Variants in CPLX2 observed in about 807,000 individuals in gnomAD.
CPLX2 encodes the protein complexin-2.
CPLX2 carries 5 observed loss-of-function variants against 16.3 expected under a neutral mutation model. The observed-to-expected ratio is 0.31, with a 90% CI of 0.16 to 0.64. The LOEUF (loss-of-function observed/expected upper bound fraction) is 0.64. CPLX2 is among the 30% of genes least tolerant of loss of function. The pLI is 0.79. For missense variants in CPLX2, 144 were observed against 181.4 expected, an observed-to-expected ratio of 0.79 and a Z score of 1.18; for synonymous variants, 89 against 73.2, an observed-to-expected ratio of 1.22 and a Z score of -1.10.
intron 2 of CPLX2, among the ~76,000 whole-genome samples, chr5:175,825,404 G>T: frequency 7.8e-6 from 1 of 128,894 alleles, no homozygotes; most frequent in East Asian, 2.3e-4. Context: ...CAAACAAAAA[G>T]AAAAAAAAAA....
intron 2 of CPLX2, among the ~76,000 whole-genome samples, chr5:175,856,086 T>C (rs1025574981): frequency 6.6e-6 from 1 of 152,110 alleles, no homozygotes; most frequent in Non-Finnish European, 1.5e-5. Context: ...GAGAGCAAAT[T>C]CTTGGACTAA....
At chr5:175,843,371 C>T (rs777233630) in intron 2 of CPLX2, among the ~76,000 whole-genome samples, 22 of 152,254 alleles carry the variant, frequency 1.4e-4, no homozygotes, top group Non-Finnish European at 3.1e-4. Context: ...CATGTGCTTA[C>T]TGTGTGAATG....
In CPLX2 at chr5:175,858,610, C is replaced by A. The variant is rs72823145; in HGVS notation, c.-88-20042C>A. 3.4e-3 allele frequency among the ~76,000 whole-genome samples: 514 copies of A among 152,316 alleles called. 4 individuals are homozygous for A. Among genetic ancestry groups the A allele is most frequent in the Non-Finnish European group, 5.6e-3 (378 of 68,026 alleles). Reference sequence around the variant, plus strand: ...GCAGCTGCCAAGCCTAGAGAGGGTACAAGCAGGAAATGTACACAATATATT... The same window carrying A: ...GCAGCTGCCAAGCCTAGAGAGGGTAAAAGCAGGAAATGTACACAATATATT... On this transcript the variant is annotated intron_variant, in intron 2 of 4. Transcript: ENST00000359546.
At chr5:175,877,746 C>G (rs1329255852) in intron 1 of CPLX2, among the ~76,000 whole-genome samples, 2 of 152,184 alleles carry the variant, frequency 1.3e-5, no homozygotes, top group African/African-American at 2.4e-5. Flanking sequence ...CCTCCCCCAC[C>G]ACCTCCACTG....
intron 2 of CPLX2, among the ~76,000 whole-genome samples, chr5:175,828,560 A>G (rs1758667206): frequency 6.6e-6 from 1 of 152,172 alleles, no homozygotes; most frequent in Non-Finnish European, 1.5e-5. Flanking sequence ...TTAGGTGGAA[A>G]GTTAGACCAA....
intron 2 of CPLX2, among the ~76,000 whole-genome samples, chr5:175,812,928 G>T (rs1054751645): frequency 5.9e-5 from 9 of 152,218 alleles, no homozygotes; most frequent in Non-Finnish European, 8.8e-5. Flanking sequence ...TACTGGCATT[G>T]AAAGAGCCTA....
upstream of CPLX2, among the ~76,000 whole-genome samples, chr5:175,871,205 T>A (rs1353539088): frequency 6.6e-6 from 1 of 150,850 alleles, no homozygotes; most frequent in African/African-American, 2.4e-5. Flanking sequence ...AGCAAGCTTG[T>A]GGGCCTGGAG....
At chr5:175,797,790 C>A (rs1758020530) in intron 1 of CPLX2, among the ~76,000 whole-genome samples, 1 of 152,170 alleles carries the variant, frequency 6.6e-6, no homozygotes, top group African/African-American at 2.4e-5. Context: ...CAGCAGGTTG[C>A]GAACTCGGCT....
At chr5:175,844,994 G>A (rs1161531866) in intron 2 of CPLX2, among the ~76,000 whole-genome samples, 1 of 152,156 alleles carries the variant, frequency 6.6e-6, no homozygotes, top group Non-Finnish European at 1.5e-5. Context: ...GCTTTTGGCT[G>A]CCCCTCTGCC....
intron 2 of CPLX2, among the ~76,000 whole-genome samples, chr5:175,856,141 C>T (rs1018201225): frequency 6.6e-6 from 1 of 152,298 alleles, no homozygotes; most frequent in Non-Finnish European, 1.5e-5. Context: ...AGTTGTGCGA[C>T]CTTGGCAAGT....
chr5:175,851,980 C>A (rs1376015131), intron 2 of CPLX2, among the ~76,000 whole-genome samples: 1 of 152,222 alleles, frequency 6.6e-6, no homozygotes, highest in Admixed American at 6.5e-5. Context: ...CACCGTGTTT[C>A]TTTTTTCTAC....
intron 2 of CPLX2, among the ~76,000 whole-genome samples, chr5:175,814,844 A>G (rs952888018): frequency 2.0e-5 from 3 of 152,112 alleles, no homozygotes; most frequent in Admixed American, 6.5e-5. Context: ...TCCTCCTTGC[A>G]TCACTCGGCT....
At chr5:175,817,568 C>A (rs1443678539) in intron 2 of CPLX2, among the ~76,000 whole-genome samples, 3 of 152,190 alleles carry the variant, frequency 2.0e-5, no homozygotes, top group Non-Finnish European at 4.4e-5. Flanking sequence ...TACTGCCCCC[C>A]TCGCCCTACA....
rs1755611542 is a variant in CPLX2, at chr5:175,881,708, A to G, written c.*1663A>G. The G allele has an allele frequency of 6.5e-6, 1 of 152,686 alleles. No homozygotes were observed. Among genetic ancestry groups the G allele is most frequent in the Non-Finnish European group, 1.5e-5 (1 of 68,052 alleles). The allele number at this position is 152,686 out of a possible 1,614,324, so 9.5% of individuals were successfully genotyped here. On this transcript the variant is annotated 3_prime_UTR_variant, in exon 4 of 4. Transcript: ENST00000393745. Reference sequence around the variant, plus strand: ...CAACGGGAGACCTTGTCCTTGGCCTAGAGTCCTCCCACCCTTGGGGGGCTC... The same window carrying G: ...CAACGGGAGACCTTGTCCTTGGCCTGGAGTCCTCCCACCCTTGGGGGGCTC...
chr5:175,831,700 C>A (rs1236677803), intron 2 of CPLX2, among the ~76,000 whole-genome samples: 2 of 152,148 alleles, frequency 1.3e-5, no homozygotes, highest in African/African-American at 4.8e-5. Flanking sequence ...CCTCAAGATA[C>A]CCACAGCTCA....
intron 2 of CPLX2, among the ~76,000 whole-genome samples, chr5:175,839,261 A>ATTTTT (rs572745421): frequency 1.3e-4 from 19 of 151,826 alleles, no homozygotes; most frequent in African/African-American, 4.6e-4. Context: ...TTTTCCATGA[A>ATTTTT]TTTTTGTTTT....
intron 2 of CPLX2, among the ~76,000 whole-genome samples, chr5:175,865,772 T>C (rs912057447): frequency 5.9e-5 from 9 of 152,194 alleles, no homozygotes; most frequent in Admixed American, 5.2e-4. Context: ...CAGAAACACC[T>C]GCGGAGCTGG....
intron 2 of CPLX2, among the ~76,000 whole-genome samples, chr5:175,851,097 G>T (rs1368330819): frequency 2.0e-5 from 3 of 151,988 alleles, no homozygotes; most frequent in Non-Finnish European, 1.5e-5. Flanking sequence ...AAATAAGTGT[G>T]GCTCAGGGCA....
At chr5:175,808,187 G>A (rs894492447) in intron 1 of CPLX2, among the ~76,000 whole-genome samples, 19 of 152,106 alleles carry the variant, frequency 1.2e-4, no homozygotes, top group Non-Finnish European at 2.8e-4. Context: ...CTACCCCTGT[G>A]TGATCTTAAG....
Sources: allele counts gnomAD v4.1 joint callset (sites outside exome capture counted in the v4.1 genomes callset), GRCh38; gene constraint gnomAD v4.1.1; transcripts MANE v1.5; gene names NCBI Gene and HGNC (gene_info 2026-07-23, HGNC 2026-07-21).